Variants in PEAK3 observed in about 807,000 individuals in gnomAD.
PEAK3 encodes the protein protein PEAK3.
In PEAK3, 15 loss-of-function variants were observed where a neutral mutation model predicts 13.3. The ratio of observed to expected loss-of-function variants is 1.13; its 90% CI spans 0.75 to 1.73. PEAK3 has a LOEUF of 1.73. Ranked by LOEUF, PEAK3 falls within the 40% of genes most tolerant of loss-of-function variation. The probability of loss-of-function intolerance (pLI) is 0.00; values close to 1 mark genes in which losing one functional copy is unlikely to be tolerated. For synonymous variants in PEAK3, 347 were observed against 341.9 expected (o/e 1.01, Z -0.17); for missense variants, 739 against 690.2 (o/e 1.07, Z -0.79).
At chr19:2,276,586 C>G (rs1211262403) in intron 3 of PEAK3, 97 bp from the exon 4 acceptor site, 4 of 1,023,802 alleles carry the variant, frequency 3.9e-6, no homozygotes, top group Non-Finnish European at 5.5e-6. Flanking sequence ...CCACGCACAC[C>G]CCCAAACTGC....
chr19:2,280,533 G>A (rs1044881383), intron 2 of PEAK3, among the ~76,000 whole-genome samples: 6 of 151,064 alleles, frequency 4.0e-5, no homozygotes, highest in Non-Finnish European at 7.4e-5. Flanking sequence ...TTGTAGAGAT[G>A]GGGGGCGGGT....
Position 2,276,187 on chromosome 19 carries a change from CA to C in PEAK3, c.914del (p.Leu305CysfsTer77), listed in dbSNP as rs2025385274. The C allele has an allele frequency of 6.4e-7, 1 of 1,553,848 alleles. No individual in the cohort carries two copies. Among genetic ancestry groups the C allele is most frequent in the African/African-American group, 1.4e-5 (1 of 73,236 alleles). On this transcript the variant is annotated frameshift_variant, in exon 4 of 4. Transcript: ENST00000342063. LOFTEE classifies it low-confidence loss of function (END_TRUNC). ...CCACCAGCAGCAAGTTCTCCGGCCGCAACTCGACTAGGGCCGCGCCCCACGC... is the reference window on the plus strand; with the variant it reads ...CCACCAGCAGCAAGTTCTCCGGCCGCACTCGACTAGGGCCGCGCCCCACGC... Reference protein sequence around the residue: ...LEAWGAALVELRPENLLLVAP... With the variant: ...LEAWGAALVEXRPENLLLVAP...
chr19:2,282,145 G>C lies in PEAK3; in HGVS notation c.-63C>G, dbSNP rs1390808458. The C allele has an allele frequency of 6.6e-6, 1 of 152,506 alleles. No individual in the cohort carries two copies. Among genetic ancestry groups the C allele is most frequent in the Non-Finnish European group, 1.5e-5 (1 of 68,252 alleles). The allele number at this position is 152,506 out of a possible 1,614,324, so 9.4% of individuals were successfully genotyped here. On this transcript the variant is annotated 5_prime_UTR_variant, in exon 1 of 4. Coordinates refer to ENST00000342063, the MANE Select transcript of PEAK3 (RefSeq NM_198532.3). ...GGTCCGTGGGGACAAACTCCCAATG[G>C]CCACAGCCCCTGGCCTCGCAGGAGG...
intron 2 of PEAK3, among the ~76,000 whole-genome samples, chr19:2,280,511 AT>A (rs1003423948): frequency 6.9e-6 from 1 of 144,160 alleles, no homozygotes; most frequent in Non-Finnish European, 1.5e-5. Flanking sequence ...TGTCCATCTC[AT>A]TTTTTTTGTT....
In PEAK3 at chr19:2,278,928, A is replaced by C. The variant is rs773178118; in HGVS notation, c.268T>G (p.Phe90Val). Residue 90 changes from phenylalanine to valine, a missense_variant, in exon 3 of 4, where the codon TTT becomes GTT. Physicochemically the swap from Phe to Val is conservative, Grantham distance 50 (BLOSUM62 -1). Coordinates refer to ENST00000342063, the MANE Select transcript of PEAK3 (RefSeq NM_198532.3). ...TTGTCCACACTGTGGGACCCCAGAAAGGGTCTCCGAGGCGGCTGTACTTGG... is the reference window on the plus strand; with the variant it reads ...TTGTCCACACTGTGGGACCCCAGAACGGGTCTCCGAGGCGGCTGTACTTGG... ...SIQVQPPRRPFLGSHSVDKSQ... is the reference protein window; with the variant it reads ...SIQVQPPRRPVLGSHSVDKSQ... 1 of 1,605,346 alleles carries C rather than the reference A, an allele frequency of 6.2e-7. No homozygotes were observed. Among genetic ancestry groups the C allele is most frequent in the South Asian group, 1.1e-5 (1 of 89,710 alleles).
chr19:2,280,893 G>A lies in PEAK3; in HGVS notation c.39C>T (p.Pro13=), dbSNP rs764995528. Residue 13 remains proline, a synonymous_variant, in exon 2 of 4, where the codon CCC becomes CCT. Transcript: ENST00000342063. Reference sequence around the variant, plus strand: ...GCTGAGTCGACCAGGTGGGGTTGTCGGGCTCGGGGGGCTCTGTGGGGGGCT... The same window carrying A: ...GCTGAGTCGACCAGGTGGGGTTGTCAGGCTCGGGGGGCTCTGTGGGGGGCT... ...SPEPPTEPPE[P]DNPTWSTQPT... The A allele has an allele frequency of 5.0e-5, 79 of 1,593,352 alleles. 1 individual carries two copies. The East Asian group carries it at 1.6e-3, about 33-fold the overall frequency.
In PEAK3 at chr19:2,275,640, TG is replaced by T; in HGVS notation, c.*39del. ...TGACCTCAGCCCCAGCCCTGCCTCC[TG>T]GGCAGGCCTGGACCAGGTGTGTTCG... On this transcript the variant is annotated 3_prime_UTR_variant, in exon 4 of 4. Transcript: ENST00000342063. 3 of 1,373,576 alleles carry T rather than the reference TG, an allele frequency of 2.2e-6. No homozygotes were observed. Among genetic ancestry groups the T allele is most frequent in the Non-Finnish European group, 2.8e-6 (3 of 1,057,052 alleles). The allele number at this position is 1,373,576 out of a possible 1,614,324, so 85.1% of individuals were successfully genotyped here. A position where few individuals can be genotyped will look rare whatever the true frequency, so the allele number is the denominator to read the frequency against.
At chr19:2,276,531 C>A (rs1418404248) in intron 3 of PEAK3, 42 bp from the exon 4 acceptor site, 1 of 1,440,138 alleles carries the variant, frequency 6.9e-7, no homozygotes, top group East Asian at 2.4e-5. Context: ...TCACTGGGCC[C>A]CCCACAAGCA....
At chr19:2,276,807 A>C (rs1265781818) in intron 3 of PEAK3, among the ~76,000 whole-genome samples, 1 of 152,124 alleles carries the variant, frequency 6.6e-6, no homozygotes, top group African/African-American at 2.4e-5. Flanking sequence ...TGAGGTCAGG[A>C]GTTCGAGACC....
At chr19:2,277,287 C>G (rs926920339) in intron 3 of PEAK3, among the ~76,000 whole-genome samples, 1 of 152,134 alleles carries the variant, frequency 6.6e-6, no homozygotes, top group Non-Finnish European at 1.5e-5. Context: ...ATGAATGGCT[C>G]AGCACCATCT....
Position 2,280,916 on chromosome 19 carries a change from G to A in PEAK3, c.16C>T (p.Pro6Ser), listed in dbSNP as rs2025433560. ...TCGGGCTCGGGGGGCTCTGTGGGGGGCTCCGGGCTGCTCATGTTGCTGGGG... is the reference window on the plus strand; with the variant it reads ...TCGGGCTCGGGGGGCTCTGTGGGGGACTCCGGGCTGCTCATGTTGCTGGGG... The part of the protein sequence containing the change: MSSPE[P>S]PTEPPEPDNP... Residue 6 changes from proline to serine, a missense_variant, in exon 2 of 4, where the codon CCC (proline) becomes TCC (serine). Transcript: ENST00000342063. 3.8e-6 allele frequency: 6 copies of A among 1,566,274 alleles called. No individual in the cohort carries two copies. Among genetic ancestry groups the A allele is most frequent in the Non-Finnish European group, 2.6e-6 (3 of 1,156,850 alleles).
intron 2 of PEAK3, among the ~76,000 whole-genome samples, chr19:2,280,615 G>T (rs1325784589): frequency 1.3e-5 from 2 of 152,150 alleles, no homozygotes; most frequent in African/African-American, 4.8e-5. Context: ...CTCCCAAGGT[G>T]CTGGGATTAC....
rs1398414914 is a variant in PEAK3 at position 2,278,644 on chromosome 19, G to A, written c.552C>T (p.Asp184=). Reference sequence around the variant, plus strand: ...CGCGCACCACGCGGTAATACAGGGCGTCCCCGCTCTCTGCGCAGGGTGAGC... The same window carrying A: ...CGCGCACCACGCGGTAATACAGGGCATCCCCGCTCTCTGCGCAGGGTGAGC... ...LDSSPCAESG[D]ALYYRVVRAH... The change falls in exon 3 of 4, where the codon GAC becomes GAT. Residue 184 remains aspartate (D), a synonymous_variant. Coordinates refer to ENST00000342063, the MANE Select transcript of PEAK3 (RefSeq NM_198532.3). 20 of 1,506,950 alleles carry A rather than the reference G, an allele frequency of 1.3e-5. No homozygotes were observed. The highest frequency in any genetic ancestry group is 6.8e-5 in the Admixed American group (3 of 43,844). The allele number at this position is 1,506,950 out of a possible 1,614,324, so 93.3% of individuals were successfully genotyped here.
At chr19:2,280,469 C>T (rs570871551) in intron 2 of PEAK3, among the ~76,000 whole-genome samples, 2 of 152,204 alleles carry the variant, frequency 1.3e-5, no homozygotes, top group African/African-American at 4.8e-5. Flanking sequence ...CTCAGCTTCC[C>T]GAGCAGCTGG....
Position 2,279,031 on chromosome 19 carries a change from C to G in PEAK3, c.165G>C (p.Leu55=). Residue 55 remains leucine, a synonymous_variant, in exon 3 of 4, where the codon CTG becomes CTC. Coordinates refer to ENST00000342063, the MANE Select transcript of PEAK3 (RefSeq NM_198532.3). ...GGATCTTCTTGGGCAGGGGTGGGGG[C>G]AGGGGCTCTGGGTTGGTGGAGAGGG... ...PGSLSTNPEP[L]PPPLPKKILT... The G allele has an allele frequency of 4.0e-6, 6 of 1,509,784 alleles. No individual in the cohort carries two copies. Among genetic ancestry groups the G allele is most frequent in the South Asian group, 3.9e-5 (3 of 77,610 alleles). 93.5% of individuals were successfully genotyped at this position (1,509,784 alleles called of 1,614,324 possible).
intron 3 of PEAK3, among the ~76,000 whole-genome samples, chr19:2,277,532 T>TTTTTC (rs1047933699): frequency 5.3e-5 from 8 of 152,048 alleles, no homozygotes; most frequent in East Asian, 1.9e-4. Context: ...CCAGTATTCC[T>TTTTTC]TTTTCTTTTC....
intron 3 of PEAK3, among the ~76,000 whole-genome samples, chr19:2,277,844 C>A (rs1383804789): frequency 7.2e-6 from 1 of 139,434 alleles, no homozygotes; most frequent in Admixed American, 7.2e-5. Flanking sequence ...AGATTACAGG[C>A]GTCAGCCACT....
At chr19:2,280,788 C>T in intron 2 of PEAK3, 62 bp downstream of exon 2, 3 of 1,350,104 alleles carry the variant, frequency 2.2e-6, no homozygotes, top group Non-Finnish European at 3.0e-6. Flanking sequence ...CCTGCCGCTC[C>T]CTGCACCCCC....
At chr19:2,276,711 T>C (rs10409063) in intron 3 of PEAK3, among the ~76,000 whole-genome samples, 129,529 of 152,180 alleles carry the variant, frequency 0.85, 55,681 homozygotes, top group African/African-American at 0.96. Context: ...AAGAAGATGT[T>C]CCTGGGCAAT....
Sources: allele counts gnomAD v4.1 joint callset (sites outside exome capture counted in the v4.1 genomes callset), GRCh38; gene constraint gnomAD v4.1.1; transcripts MANE v1.5; gene names NCBI Gene and HGNC (gene_info 2026-07-23, HGNC 2026-07-21).